NT5E: variants seen among roughly 807,000 people sequenced by gnomAD.
NT5E encodes 5'-nucleotidase ecto, also known as 5'-nucleotidase.
NT5E carries 53 observed loss-of-function variants against 55.1 expected under a neutral mutation model. The observed-to-expected ratio is 0.96, with a 90% CI of 0.77 to 1.21. The LOEUF (loss-of-function observed/expected upper bound fraction) is 1.21. NT5E is among the 50% of genes most tolerant of loss of function. NT5E has a pLI of 0.00. For missense variants in NT5E, 683 were observed against 724.3 expected (o/e 0.94, Z 0.65); for synonymous variants, 270 against 278.4 (o/e 0.97, Z 0.30).
chr6:85,487,472 C>A lies in NT5E; in HGVS notation c.1087C>A (p.Leu363Met), dbSNP rs938528744. The A allele has an allele frequency of 1.4e-5, 23 of 1,614,024 alleles. No homozygotes were observed. Among genetic ancestry groups the A allele is most frequent in the Non-Finnish European group, 1.9e-5 (23 of 1,180,024 alleles). ...CTTTAGAGAATGCAACATGGGCAAC[C>A]TGATTTGTGATGCAATGGTAAGTCA... ...CRFRECNMGN[L>M]ICDAMINNNL... is the part of the protein sequence containing the mutation. Residue 363 changes from leucine to methionine, a missense_variant, in exon 5 of 9, where the codon CTG becomes ATG. By Grantham distance (15) the Leu-to-Met change is conservative (BLOSUM62 2). Coordinates refer to ENST00000257770, the MANE Select transcript of NT5E (RefSeq NM_002526.4).
intron 7 of NT5E, among the ~76,000 whole-genome samples, chr6:85,491,548 T>C (rs1292708708): frequency 2.0e-5 from 3 of 152,378 alleles, no homozygotes; most frequent in African/African-American, 7.2e-5. Flanking sequence ...AGCAAAGCAC[T>C]GCATAGCTCT....
intron 8 of NT5E, 73 bp downstream of exon 8, chr6:85,492,250 C>T: frequency 7.1e-7 from 1 of 1,414,770 alleles, no homozygotes; most frequent in Non-Finnish European, 9.9e-7. Context: ...ACTAGTGGTG[C>T]CAGGAGGGCA....
chr6:85,476,421 T>C (rs1156651570), intron 3 of NT5E, among the ~76,000 whole-genome samples: 3 of 152,176 alleles, frequency 2.0e-5, no homozygotes, highest in East Asian at 1.9e-4. Context: ...GTGGGACAAG[T>C]GCTTCTGGGT....
rs1769794095 is a variant in NT5E at position 85,491,960 on chromosome 6, A to G, written c.1361-17A>G. 1 of 1,611,144 alleles carries G rather than the reference A, an allele frequency of 6.2e-7. No homozygotes were observed. The highest frequency in any genetic ancestry group is 8.5e-7 in the Non-Finnish European group (1 of 1,177,246). On this transcript the variant is annotated splice_polypyrimidine_tract_variant and intron_variant, in intron 7 of 8. Transcript: ENST00000257770. The stretch of plus-strand genomic sequence containing the variant: ...CTCCCTTTGGATCTGGTGAAAACAG[A>G]TTCATTTCTTTTCTAGGAATCCATG...
At position 85,471,429 on chromosome 6, in the gene NT5E, A is replaced by G. The variant is rs1769305687; in HGVS notation, c.751+4A>G. The stretch of plus-strand genomic sequence containing the variant: ...TCCAACACATTTCTTTACACAGGTA[A>G]TTGTTTCAAAAGGATTGCATGGGCC... On this transcript the variant is annotated splice_donor_region_variant and intron_variant, in intron 3 of 8. Coordinates refer to ENST00000257770, the MANE Select transcript of NT5E (RefSeq NM_002526.4). 1.2e-6 allele frequency: 2 copies of G among 1,611,674 alleles called. No individual in the cohort carries two copies. Among genetic ancestry groups the G allele is most frequent in the East Asian group, 2.2e-5 (1 of 44,830 alleles).
At chr6:85,458,566 A>G (rs1352772792) in intron 1 of NT5E, among the ~76,000 whole-genome samples, 1 of 152,212 alleles carries the variant, frequency 6.6e-6, no homozygotes, top group African/African-American at 2.4e-5. Flanking sequence ...CACATCACTC[A>G]CAAATACATC....
intron 2 of NT5E, among the ~76,000 whole-genome samples, chr6:85,470,236 G>A (rs1014460940): frequency 6.6e-6 from 1 of 152,198 alleles, no homozygotes; most frequent in African/African-American, 2.4e-5. Flanking sequence ...GAGCCAGTTG[G>A]AGGAACCAGT....
At chr6:85,473,991 A>G (rs1156514585) in intron 3 of NT5E, among the ~76,000 whole-genome samples, 2 of 152,196 alleles carry the variant, frequency 1.3e-5, no homozygotes, top group African/African-American at 2.4e-5. Context: ...ACCTGAAAAG[A>G]TTGGGAGACC....
At chr6:85,487,987 C>A (rs912044753) in intron 5 of NT5E, among the ~76,000 whole-genome samples, 1 of 152,146 alleles carries the variant, frequency 6.6e-6, no homozygotes, top group African/African-American at 2.4e-5. Context: ...CTGGAGATAT[C>A]AACATAATAG....
intron 1 of NT5E, among the ~76,000 whole-genome samples, chr6:85,454,778 C>T (rs138372569): frequency 1.2e-4 from 19 of 152,290 alleles, no homozygotes; most frequent in Admixed American, 8.5e-4. Flanking sequence ...GAGATCACCA[C>T]GGTTCTCTCT....
intron 5 of NT5E, among the ~76,000 whole-genome samples, chr6:85,488,089 C>G (rs1257274320): frequency 1.2e-4 from 19 of 152,186 alleles, no homozygotes; most frequent in Admixed American, 1.2e-3. Context: ...GAACCTCTTT[C>G]ACAGGCACAG....
chr6:85,468,281 G>C (rs1769234899), intron 2 of NT5E, among the ~76,000 whole-genome samples: 1 of 152,222 alleles, frequency 6.6e-6, no homozygotes, highest in Non-Finnish European at 1.5e-5. Flanking sequence ...AGCTGGCATA[G>C]AGGCAGAGCT....
intron 1 of NT5E, among the ~76,000 whole-genome samples, chr6:85,454,828 T>C (rs1768956809): frequency 1.3e-5 from 2 of 152,228 alleles, no homozygotes; most frequent in Non-Finnish European, 2.9e-5. Context: ...GGCTATGCAA[T>C]TCACTTCTCA....
chr6:85,464,989 A>C (rs1769162166), intron 1 of NT5E, among the ~76,000 whole-genome samples: 1 of 152,212 alleles, frequency 6.6e-6, no homozygotes, highest in African/African-American at 2.4e-5. Flanking sequence ...TTGGGAGGAA[A>C]TGACACATGG....
Position 85,485,421 on chromosome 6 carries a change from G to A in NT5E, c.938G>A (p.Ser313Asn), listed in dbSNP as rs1338053146. The A allele has an allele frequency of 8.1e-6, 13 of 1,614,018 alleles. 1 individual carries two copies. The Admixed American group carries it at 1.3e-4, about 17-fold the overall frequency. ...GGAAATCCCATTCTTCTAAACAGCAGCATTCCTGAAGGTAAGTGAAGTTCA... is the reference window on the plus strand; with the variant it reads ...GGAAATCCCATTCTTCTAAACAGCAACATTCCTGAAGGTAAGTGAAGTTCA... ...SHGNPILLNS[S>N]IPEDPSIKAD... Residue 313 changes from serine (S) to asparagine (N), a missense_variant, in exon 4 of 9, where the codon AGC becomes AAC. Ser to Asn is a conservative substitution (Grantham distance 46, BLOSUM62 1). Coordinates refer to ENST00000257770, the MANE Select transcript of NT5E (RefSeq NM_002526.4).
Position 85,492,113 on chromosome 6 carries a change from C to T in NT5E, c.1497C>T (p.Asn499=). ...MDEVYKVILP[N]FLANGGDGFQ... ...AGGTATATAAGGTGATCCTCCCAAACTTCCTGGCCAATGGTGGAGATGGGT... is the reference window on the plus strand; with the variant it reads ...AGGTATATAAGGTGATCCTCCCAAATTTCCTGGCCAATGGTGGAGATGGGT... Residue 499 remains asparagine (N), a synonymous_variant, in exon 8 of 9, where the codon AAC becomes AAT. Transcript: ENST00000257770. 6.2e-7 allele frequency: 1 copy of T among 1,614,196 alleles called. No individual in the cohort carries two copies. The highest frequency in any genetic ancestry group is 8.5e-7 in the Non-Finnish European group (1 of 1,180,010).
rs1248279910 is a variant in NT5E at position 85,495,590 on chromosome 6, G to A, written c.*1586G>A. 6.6e-6 allele frequency: 1 copy of A among 152,152 alleles called. No homozygotes were observed. Among genetic ancestry groups the A allele is most frequent in the Non-Finnish European group, 1.5e-5 (1 of 68,012 alleles). 9.4% of individuals were successfully genotyped at this position (152,152 alleles called of 1,614,324 possible). A position where few individuals can be genotyped will look rare whatever the true frequency, so the allele number is the denominator to read the frequency against. On this transcript the variant is annotated 3_prime_UTR_variant, in exon 9 of 9. Coordinates refer to ENST00000257770, the MANE Select transcript of NT5E (RefSeq NM_002526.4). ...AAAAATGTCAATAAGATTGTACAAGGAAAATTAGAGAAAGTCACATTTAGG... is the reference window on the plus strand; with the variant it reads ...AAAAATGTCAATAAGATTGTACAAGAAAAATTAGAGAAAGTCACATTTAGG...
chr6:85,462,384 T>G (rs919433127), intron 1 of NT5E, among the ~76,000 whole-genome samples: 7 of 152,130 alleles, frequency 4.6e-5, no homozygotes, highest in Non-Finnish European at 1.0e-4. Flanking sequence ...CTTAGCAGCA[T>G]CATTTTTTTT....
In NT5E at chr6:85,488,620, G is replaced by A. The variant is rs146930131; in HGVS notation, c.1105-874G>A. ...TATTGAGACTGAGTCTTGCTCTGTC[G>A]CCCAGGCTGGAGTGCAGTGGCATGA... On this transcript the variant is annotated intron_variant, in intron 5 of 8. Coordinates refer to ENST00000257770, the MANE Select transcript of NT5E (RefSeq NM_002526.4). Among the ~76,000 whole-genome samples, 45 of 151,788 alleles carry A rather than the reference G, an allele frequency of 3.0e-4. No individual in the cohort carries two copies. The East Asian group carries it at 6.6e-3, about 22-fold the overall frequency.
Sources: gnomAD v4.1 joint callset for allele counts (sites outside exome capture counted in the v4.1 genomes callset) on GRCh38, gnomAD v4.1.1 for gene constraint, MANE v1.5 for transcripts, NCBI Gene and HGNC (gene_info 2026-07-23, HGNC 2026-07-21) for gene names.